Variants in RBFOX1 observed in about 807,000 individuals in gnomAD.
The protein encoded by RBFOX1 is RNA binding protein fox-1 homolog 1.
A neutral mutation model predicts 57.7 loss-of-function variants in RBFOX1; 8 were observed. The observed-to-expected ratio is 0.14, with a 90% CI of 0.08 to 0.25. The LOEUF (loss-of-function observed/expected upper bound fraction) is 0.25, where lower values mean the gene tolerates loss of function less well. Ranked by LOEUF, RBFOX1 falls within the 10% of genes least tolerant of loss-of-function variation. RBFOX1 has a pLI of 1.00. For missense variants in RBFOX1, 611 were observed against 548.5 expected, an observed-to-expected ratio of 1.11 and a Z score of -1.14; for synonymous variants, 326 against 222.4, an observed-to-expected ratio of 1.47 and a Z score of -4.15.
chr16:6,473,332 C>G (rs147940601), intron 2 of RBFOX1, among the ~76,000 whole-genome samples: 117 of 152,198 alleles, frequency 7.7e-4, no homozygotes, highest in African/African-American at 2.7e-3. Flanking sequence ...TCAATTAATC[C>G]TTGAACGAAA....
intron 1 of RBFOX1, among the ~76,000 whole-genome samples, chr16:5,454,082 G>A (rs897718633): frequency 2.0e-5 from 3 of 152,240 alleles, no homozygotes; most frequent in South Asian, 2.1e-4. Context: ...AGGCCAAATC[G>A]TGCCAGCCTG....
intron 1 of RBFOX1, among the ~76,000 whole-genome samples, chr16:6,180,472 C>T (rs765917360): frequency 6.6e-6 from 1 of 150,528 alleles, no homozygotes; most frequent in Admixed American, 6.6e-5. Flanking sequence ...TAGTAATGTC[C>T]CCTCTTTAAT....
At chr16:7,467,464 C>G (rs913242649) in intron 4 of RBFOX1, among the ~76,000 whole-genome samples, 1 of 152,066 alleles carries the variant, frequency 6.6e-6, no homozygotes, top group African/African-American at 2.4e-5. Context: ...ACCCCAAATG[C>G]CCAGAGAGAA....
intron 3 of RBFOX1, among the ~76,000 whole-genome samples, chr16:6,802,174 CT>C (rs147692593): frequency 0.045 from 6,821 of 152,086 alleles, 394 homozygotes; most frequent in African/African-American, 0.13. Flanking sequence ...TCTGGGTGGG[CT>C]TTGGTTGCAT....
intron 3 of RBFOX1, among the ~76,000 whole-genome samples, chr16:5,816,484 C>A (rs1037943460): frequency 6.6e-6 from 1 of 152,190 alleles, no homozygotes; most frequent in East Asian, 1.9e-4. Context: ...CTAGACCTTG[C>A]ATCTCCTATC....
chr16:6,842,092 G>C (rs888082476), intron 3 of RBFOX1, among the ~76,000 whole-genome samples: 1 of 151,600 alleles, frequency 6.6e-6, no homozygotes, highest in Non-Finnish European at 1.5e-5. Context: ...GCAGTGAGCG[G>C]AGATCGCGCC....
At chr16:5,619,077 T>C (rs2048129375) in intron 3 of RBFOX1, among the ~76,000 whole-genome samples, 1 of 152,220 alleles carries the variant, frequency 6.6e-6, no homozygotes, top group African/African-American at 2.4e-5. Context: ...ACAGTCACCG[T>C]AGTTTGTGCC....
chr16:5,774,935 G>C (rs745668823), intron 3 of RBFOX1, among the ~76,000 whole-genome samples: 2 of 152,014 alleles, frequency 1.3e-5, no homozygotes, highest in Non-Finnish European at 1.5e-5. Context: ...CACCCACTTC[G>C]GCCTCCCAAA....
At chr16:7,059,494 A>G (rs1360531295) in intron 4 of RBFOX1, among the ~76,000 whole-genome samples, 1 of 152,248 alleles carries the variant, frequency 6.6e-6, no homozygotes, top group Admixed American at 6.5e-5. Flanking sequence ...CTTATACCTC[A>G]CAGCCTAGTG....
At chr16:6,158,831 G>C (rs994156422) in intron 1 of RBFOX1, among the ~76,000 whole-genome samples, 1 of 152,240 alleles carries the variant, frequency 6.6e-6, no homozygotes, top group African/African-American at 2.4e-5. Flanking sequence ...TTCTAAGAGA[G>C]AATAGACAGG....
intron 4 of RBFOX1, among the ~76,000 whole-genome samples, chr16:7,375,995 C>T (rs1412469221): frequency 6.6e-6 from 1 of 152,132 alleles, no homozygotes. Flanking sequence ...ATCCCACAAG[C>T]CAGGGAATGG....
chr16:6,620,523 G>A (rs556706277), intron 2 of RBFOX1, among the ~76,000 whole-genome samples: 174 of 151,642 alleles, frequency 1.1e-3, no homozygotes, highest in African/African-American at 3.8e-3. Context: ...AGATAGACAC[G>A]AAAAACCATT....
intron 4 of RBFOX1, among the ~76,000 whole-genome samples, chr16:7,120,418 C>G (rs1016988333): frequency 6.6e-6 from 1 of 151,934 alleles, no homozygotes; most frequent in East Asian, 1.9e-4. Flanking sequence ...AGTGATGAAT[C>G]TATTCTAGCA....
chr16:7,267,225 C>T (rs2095177915), intron 4 of RBFOX1, among the ~76,000 whole-genome samples: 1 of 151,970 alleles, frequency 6.6e-6, no homozygotes, highest in South Asian at 2.1e-4. Flanking sequence ...ATGGCAAAAC[C>T]CTGTCTCTAC....
intron 3 of RBFOX1, among the ~76,000 whole-genome samples, chr16:5,640,612 A>T (rs1403956393): frequency 6.6e-6 from 1 of 152,116 alleles, no homozygotes; most frequent in South Asian, 2.1e-4. Context: ...ACACATGCGC[A>T]TACATATGCA....
chr16:6,299,979 C>T (rs2078620561), intron 1 of RBFOX1, among the ~76,000 whole-genome samples: 1 of 152,228 alleles, frequency 6.6e-6, no homozygotes, highest in South Asian at 2.1e-4. Flanking sequence ...ACCTACCTAA[C>T]TCACATGTAC....
chr16:6,134,551 C>G (rs1202600413), intron 1 of RBFOX1, among the ~76,000 whole-genome samples: 3 of 152,040 alleles, frequency 2.0e-5, no homozygotes, highest in African/African-American at 7.2e-5. Flanking sequence ...TGGTAGGTAC[C>G]AAAGACATGA....
chr16:5,329,472 G>T (rs1443527530), intron 1 of RBFOX1, among the ~76,000 whole-genome samples: 1 of 152,140 alleles, frequency 6.6e-6, no homozygotes, highest in African/African-American at 2.4e-5. Context: ...CCATGATCCA[G>T]TCAGCTCCCA....
intron 3 of RBFOX1, among the ~76,000 whole-genome samples, chr16:6,744,001 C>A (rs985607231): frequency 1.3e-5 from 2 of 151,396 alleles, no homozygotes; most frequent in Middle Eastern, 3.5e-3. Context: ...GTGGTGTGTT[C>A]GCATGTTTAA....
Sources: allele counts gnomAD v4.1 joint callset (sites outside exome capture counted in the v4.1 genomes callset), GRCh38; gene constraint gnomAD v4.1.1; transcripts MANE v1.5; gene names NCBI Gene and HGNC (gene_info 2026-07-23, HGNC 2026-07-21).